Variants in ITGB3 observed in about 807,000 individuals in gnomAD.
ITGB3 encodes the protein integrin subunit beta 3, also known as integrin beta-3.
Under a neutral mutation model 85.8 loss-of-function variants are expected in ITGB3, and 48 were observed. The observed-to-expected ratio is 0.56, with a 90% CI of 0.44 to 0.71. ITGB3 has a LOEUF of 0.71. ITGB3 is among the 30% of genes least tolerant of loss of function. ITGB3 has a pLI of 0.00. For missense variants in ITGB3, 861 were observed against 1,019.1 expected, an observed-to-expected ratio of 0.84 and a Z score of 2.11; for synonymous variants, 363 against 395.6, an observed-to-expected ratio of 0.92 and a Z score of 0.98.
chr17:47,268,003 C>T (rs1028582397), intron 1 of ITGB3, among the ~76,000 whole-genome samples: 4 of 152,146 alleles, frequency 2.6e-5, no homozygotes, highest in Non-Finnish European at 5.9e-5. Flanking sequence ...GAAGGGGAAG[C>T]AAACACGTCC....
intron 10 of ITGB3, among the ~76,000 whole-genome samples, chr17:47,298,284 T>C (rs113108342): frequency 4.2e-4 from 64 of 152,246 alleles, no homozygotes; most frequent in African/African-American, 1.5e-3. Flanking sequence ...TAGGAAAATC[T>C]CTCTTTTTTT....
intron 1 of ITGB3, chr17:47,259,463 CTATT>C (rs1196042035): frequency 5.3e-5 from 8 of 151,952 alleles, no homozygotes; most frequent in Non-Finnish European, 1.2e-4. Context: ...CATGAAAAGA[CTATT>C]TACTTACCCC....
chr17:47,298,018 C>T (rs2143127102), intron 10 of ITGB3, among the ~76,000 whole-genome samples: 1 of 152,258 alleles, frequency 6.6e-6, no homozygotes, highest in South Asian at 2.1e-4. Flanking sequence ...GTCTGTTCCA[C>T]TGCACTCCCA....
intron 12 of ITGB3, among the ~76,000 whole-genome samples, chr17:47,301,609 C>G (rs1194427055): frequency 6.6e-6 from 1 of 152,112 alleles, no homozygotes; most frequent in Non-Finnish European, 1.5e-5. Flanking sequence ...ATAAGCAGTT[C>G]TGTACCTCCA....
intron 2 of ITGB3, among the ~76,000 whole-genome samples, chr17:47,282,448 C>T (rs753552182): frequency 2.6e-5 from 4 of 152,188 alleles, no homozygotes; most frequent in Non-Finnish European, 5.9e-5. Flanking sequence ...ATTTTGATTG[C>T]TGTTAAGTAC....
intron 1 of ITGB3, among the ~76,000 whole-genome samples, chr17:47,267,345 G>A (rs886935601): frequency 4.6e-5 from 7 of 152,184 alleles, no homozygotes; most frequent in Admixed American, 2.6e-4. Flanking sequence ...ATGAGTCTGG[G>A]CCCCAGAGAA....
At chr17:47,287,733 AC>A (rs2065108515) in intron 6 of ITGB3, among the ~76,000 whole-genome samples, 1 of 151,822 alleles carries the variant, frequency 6.6e-6, no homozygotes, top group African/African-American at 2.4e-5. Context: ...ATATAGTGAG[AC>A]CCTGCCTCTA....
Position 47,313,302 on chromosome 17 carries a change from AG to A in ITGB3, c.*3100del, listed in dbSNP as rs1476671045. On this transcript the variant is annotated 3_prime_UTR_variant, in exon 15 of 15. Coordinates refer to ENST00000559488, the MANE Select transcript of ITGB3 (RefSeq NM_000212.3). Reference sequence around the variant, plus strand: ...CATCCATGATTTTAATGGGGTCCAAAGGCCTCTTTTTCTTTGTTAAGTATTC... The same window carrying A: ...CATCCATGATTTTAATGGGGTCCAAAGCCTCTTTTTCTTTGTTAAGTATTC... Among the ~76,000 whole-genome samples the A allele has an allele frequency of 1.3e-5, 2 of 150,078 alleles. No homozygotes were observed. Among genetic ancestry groups the A allele is most frequent in the Non-Finnish European group, 3.0e-5 (2 of 67,658 alleles).
intron 14 of ITGB3, among the ~76,000 whole-genome samples, chr17:47,307,964 G>C (rs866639931): frequency 2.0e-5 from 3 of 151,942 alleles, no homozygotes; most frequent in African/African-American, 7.3e-5. Context: ...TCAAGAGTTC[G>C]AGACCAGCCT....
At chr17:47,294,097 A>G (rs893873802) in intron 10 of ITGB3, among the ~76,000 whole-genome samples, 1 of 151,948 alleles carries the variant, frequency 6.6e-6, no homozygotes, top group South Asian at 2.1e-4. Context: ...AATTTTAGAG[A>G]GAGTTTGGAA....
chr17:47,260,231 A>G (rs934246728), intron 1 of ITGB3, among the ~76,000 whole-genome samples: 1 of 152,190 alleles, frequency 6.6e-6, no homozygotes, highest in African/African-American at 2.4e-5. Flanking sequence ...TTGCTGGGTG[A>G]CTTTGAACAA....
chr17:47,278,670 G>A (rs2065072328), intron 2 of ITGB3, among the ~76,000 whole-genome samples: 1 of 152,190 alleles, frequency 6.6e-6, no homozygotes, highest in African/African-American at 2.4e-5. Flanking sequence ...TCCATGGCCT[G>A]TTAGGAACTG....
At chr17:47,282,795 A>G (rs1369238562) in intron 2 of ITGB3, among the ~76,000 whole-genome samples, 2 of 152,228 alleles carry the variant, frequency 1.3e-5, no homozygotes, top group African/African-American at 2.4e-5. Context: ...GTTATTTATT[A>G]TATGTGTTAT....
At chr17:47,304,718 C>T (rs573902587) in intron 13 of ITGB3, among the ~76,000 whole-genome samples, 1 of 152,248 alleles carries the variant, frequency 6.6e-6, no homozygotes, top group Admixed American at 6.5e-5. Flanking sequence ...AGCAATTCTC[C>T]TGCCTCAGCC....
At chr17:47,273,562 G>T (rs2065052777) in intron 1 of ITGB3, among the ~76,000 whole-genome samples, 1 of 152,314 alleles carries the variant, frequency 6.6e-6, no homozygotes, top group South Asian at 2.1e-4. Context: ...CGTAGCCTTT[G>T]CTCTGTCCTT....
chr17:47,272,313 C>A (rs1295897648), intron 1 of ITGB3, among the ~76,000 whole-genome samples: 1 of 152,108 alleles, frequency 6.6e-6, no homozygotes, highest in Non-Finnish European at 1.5e-5. Flanking sequence ...CTCGGCCTCC[C>A]AAAGTGCTGG....
chr17:47,285,607 A>T (rs558000387), intron 4 of ITGB3, among the ~76,000 whole-genome samples: 1 of 152,220 alleles, frequency 6.6e-6, no homozygotes, highest in African/African-American at 2.4e-5. Context: ...ATGGAGCACA[A>T]CTGTCTCTAA....
At chr17:47,280,721 G>A (rs1387634569) in intron 2 of ITGB3, among the ~76,000 whole-genome samples, 2 of 152,086 alleles carry the variant, frequency 1.3e-5, no homozygotes, top group African/African-American at 4.8e-5. Context: ...CATTATGGCT[G>A]CCAGGTTGCT....
rs1480452446 is a variant in ITGB3 at position 47,310,285 on chromosome 17, TATTTGTGGGGAGGGA to T, written c.*82_*96del. The T allele has an allele frequency of 9.0e-5, 124 of 1,376,318 alleles. No homozygotes were observed. The South Asian group carries it at 1.2e-3, about 14-fold the overall frequency. 85.3% of individuals were successfully genotyped at this position (1,376,318 alleles called of 1,614,324 possible). On this transcript the variant is annotated 3_prime_UTR_variant, in exon 15 of 15. Coordinates refer to ENST00000559488, the MANE Select transcript of ITGB3 (RefSeq NM_000212.3). Reference sequence around the variant, plus strand: ...CTGCCATCATGTTTACAGAGGACAGTATTTGTGGGGAGGGATTTGGGGCTCAGAGTGGGGTAGGTT... The same window carrying T: ...CTGCCATCATGTTTACAGAGGACAGTTTTGGGGCTCAGAGTGGGGTAGGTT...
Sources: gnomAD v4.1 joint callset for allele counts (sites outside exome capture counted in the v4.1 genomes callset) on GRCh38, gnomAD v4.1.1 for gene constraint, MANE v1.5 for transcripts, NCBI Gene and HGNC (gene_info 2026-07-23, HGNC 2026-07-21) for gene names.